ADH1B: variants seen among roughly 807,000 people sequenced by gnomAD.
ADH1B encodes all-trans-retinol dehydrogenase [NAD(+)] ADH1B.
ADH1B carries 29 observed loss-of-function variants against 34.6 expected under a neutral mutation model. That is an observed-to-expected ratio of 0.84 (90% confidence interval 0.62 to 1.14). The LOEUF (loss-of-function observed/expected upper bound fraction) is 1.14. ADH1B is among the 50% of genes most tolerant of loss of function. The pLI is 0.00. For missense variants in ADH1B, 424 were observed against 468.4 expected, an observed-to-expected ratio of 0.91 and a Z score of 0.87; for synonymous variants, 170 against 175.5, an observed-to-expected ratio of 0.97 and a Z score of 0.25.
At position 99,313,803 on chromosome 4, in the gene ADH1B, G is replaced by A. The variant is rs758475277; in HGVS notation, c.828+18C>T. The A allele has an allele frequency of 3.1e-5, 50 of 1,613,846 alleles. No individual in the cohort carries two copies. The South Asian group carries it at 5.1e-4, about 16-fold the overall frequency. On this transcript the variant is annotated intron_variant, in intron 6 of 8. Coordinates refer to ENST00000305046, the MANE Select transcript of ADH1B (RefSeq NM_000668.6). Reference sequence around the variant, plus strand: ...AGGTTGCAGAGGCAGAAATCTCAGGGCATGTCATGGTACATACCATGGTGT... The same window carrying A: ...AGGTTGCAGAGGCAGAAATCTCAGGACATGTCATGGTACATACCATGGTGT...
At chr4:99,319,950 A>G (rs1358737151) in intron 1 of ADH1B, 1 of 152,162 alleles carries the variant, frequency 6.6e-6, no homozygotes, top group Non-Finnish European at 1.5e-5. Flanking sequence ...TAATAGTAGG[A>G]AGATTCTTAT....
chr4:99,318,031 G>A lies in ADH1B; in HGVS notation c.259+15C>T, dbSNP rs745422949. ...ATGGTGAACCACACGTGTTCCCTGA[G>A]TGTGAATCCTGTACCTGGTTTGACT... is the stretch of plus-strand genomic sequence containing the variant. On this transcript the variant is annotated intron_variant, in intron 3 of 8. Coordinates refer to ENST00000305046, the MANE Select transcript of ADH1B (RefSeq NM_000668.6). 6.2e-7 allele frequency: 1 copy of A among 1,613,594 alleles called. No homozygotes were observed. The highest frequency in any genetic ancestry group is 1.7e-5 in the Admixed American group (1 of 59,926).
chr4:99,311,455 T>TTATATTGAGATTAATGAGA (rs1733751825), intron 7 of ADH1B, 66 bp downstream of exon 7: 3 of 1,532,954 alleles, frequency 2.0e-6, no homozygotes, highest in Non-Finnish European at 2.7e-6. Flanking sequence ...TATATTGAGA[T>TTATATTGAGATTAATGAGA]TATATTGAGA....
chr4:99,315,757 A>C, intron 5 of ADH1B, 141 bp downstream of exon 5: 258 of 814,648 alleles, frequency 3.2e-4, no homozygotes, highest in Non-Finnish European at 3.0e-4. Context: ...TGTGTACTCA[A>C]TTCTTTCTGG....
At position 99,311,525 on chromosome 4, in the gene ADH1B, A is replaced by G. The variant is rs1362515690; in HGVS notation, c.960T>C (p.Tyr320=). 4 of 1,613,808 alleles carry G rather than the reference A, an allele frequency of 2.5e-6. No homozygotes were observed. The South Asian group carries it at 4.4e-5, about 18-fold the overall frequency. ...CACTTGAGCCCAACTACATACCACC[A>G]TAAACAGCCCCCTTCCAGGTGCGTC... is the stretch of plus-strand genomic sequence containing the variant. ...LTGRTWKGAV[Y]GGFKSKEGIP... The change falls in exon 7 of 9, where the codon TAT becomes TAC. Residue 320 remains tyrosine, a synonymous_variant. Transcript: ENST00000305046.
chr4:99,313,950 G>A lies in ADH1B; in HGVS notation c.699C>T (p.Ala233=). 8 of 1,614,074 alleles carry A rather than the reference G, an allele frequency of 5.0e-6. No homozygotes were observed. The highest frequency in any genetic ancestry group is 2.2e-5 in the South Asian group (2 of 91,076). ...TGCATTCAGTGGCACCCAACTCTTT[G>A]GCCTTTGCAAATTTGTCCTTGTTGA... ...VDINKDKFAK[A]KELGATECIN... is the part of the protein sequence containing the mutation. Residue 233 remains alanine (A), a synonymous_variant, in exon 6 of 9, where the codon GCC becomes GCT. Transcript: ENST00000305046.
Position 99,306,215 on chromosome 4 carries a change from A to G in ADH1B, c.*1625T>C, listed in dbSNP as rs1733607310. 6.6e-6 allele frequency: 1 copy of G among 152,246 alleles called. No homozygotes were observed. The highest frequency in any genetic ancestry group is 2.1e-4 in the South Asian group (1 of 4,830). The allele number at this position is 152,246 out of a possible 1,614,324, so 9.4% of individuals were successfully genotyped here. A position where few individuals can be genotyped will look rare whatever the true frequency, so the allele number is the denominator to read the frequency against. The stretch of plus-strand genomic sequence containing the variant: ...GAGATGGGGTTTCACCATGTTGACC[A>G]GGCTGGTCTCAAACTCCTGACCTCA... On this transcript the variant is annotated 3_prime_UTR_variant, in exon 9 of 9. Transcript: ENST00000305046.
At chr4:99,316,560 C>T (rs1394821648) in intron 3 of ADH1B, 1 of 451,382 alleles carries the variant, frequency 2.2e-6, no homozygotes, top group Non-Finnish European at 4.0e-6. Context: ...TTCCACTGTA[C>T]TAATAGTTAA....
At chr4:99,317,991 G>T (rs900888995) in intron 3 of ADH1B, 55 bp downstream of exon 3, 13 of 1,602,024 alleles carry the variant, frequency 8.1e-6, no homozygotes, top group Admixed American at 1.7e-5. Flanking sequence ...CCTTATCCAG[G>T]CTGGGAAATC....
At chr4:99,315,115 A>G (rs1733846471) in intron 5 of ADH1B, 1 of 152,256 alleles carries the variant, frequency 6.6e-6, no homozygotes, top group Non-Finnish European at 1.5e-5. Flanking sequence ...AAGATTCAGC[A>G]GGAGATTTGA....
Position 99,315,956 on chromosome 4 carries a change from A to G in ADH1B, c.509T>C (p.Val170Ala). ...KIDAASPLEK[V>A]CLIGCGFSTG... ...CGAGAATCCACAGCCAATGAGGCAG[A>G]CTTTCTCCAGGGGCGAGGCTGCATC... Residue 170 changes from valine to alanine, a missense_variant, in exon 5 of 9, where the codon GTC becomes GCC. This residue lies in a region of ADH1B where 291 missense variants were observed against 300.4 expected (regional missense o/e 0.97). Coordinates refer to ENST00000305046, the MANE Select transcript of ADH1B (RefSeq NM_000668.6). 1 of 1,614,202 alleles carries G rather than the reference A, an allele frequency of 6.2e-7. No homozygotes were observed. The highest frequency in any genetic ancestry group is 1.1e-5 in the South Asian group (1 of 91,074).
At chr4:99,311,891 CT>C (rs1405016604) in intron 6 of ADH1B, among the ~76,000 whole-genome samples, 1 of 152,108 alleles carries the variant, frequency 6.6e-6, no homozygotes, top group Non-Finnish European at 1.5e-5. Context: ...GTGCTTAATT[CT>C]TCCTAATAAA....
At chr4:99,315,662 G>T in intron 5 of ADH1B, 1 of 588,402 alleles carries the variant, frequency 1.7e-6, no homozygotes. Context: ...CCCATAAACA[G>T]CAAATTCAGA....
Position 99,310,787 on chromosome 4 carries a change from C to T in ADH1B, c.1081G>A (p.Asp361Asn). 1 of 1,611,466 alleles carries T rather than the reference C, an allele frequency of 6.2e-7. No homozygotes were observed. Among genetic ancestry groups the T allele is most frequent in the Non-Finnish European group, 8.5e-7 (1 of 1,179,318 alleles). ...TACCTTTTCCCAGAGTGAAGCAGGT[C>T]AAATCCTTCATTTATTTTTTCAAAA... ...LPFEKINEGF[D>N]LLHSGKSIRT... The change falls in exon 8 of 9, where the codon GAC (aspartate) becomes AAC (asparagine). Residue 361 changes from aspartate to asparagine, a missense_variant. By Grantham distance (23) the Asp-to-Asn change is conservative. Around this residue, in one of 3 missense-constraint regions of ADH1B, gnomAD observed 130 missense variants for 151.8 expected, o/e 0.86. Transcript: ENST00000305046.
chr4:99,311,354 A>G (rs1414387735), intron 7 of ADH1B, among the ~76,000 whole-genome samples, 167 bp downstream of exon 7: 1 of 152,194 alleles, frequency 6.6e-6, no homozygotes, highest in Non-Finnish European at 1.5e-5. Context: ...TTCCATATCT[A>G]GTTGATTTGG....
chr4:99,308,590 A>C (rs1733673742), intron 8 of ADH1B, among the ~76,000 whole-genome samples: 1 of 152,030 alleles, frequency 6.6e-6, no homozygotes, highest in Admixed American at 6.6e-5. Flanking sequence ...GAACATTTAC[A>C]CTAGAACTAA....
At chr4:99,310,141 G>C (rs1461291729) in intron 8 of ADH1B, among the ~76,000 whole-genome samples, 1 of 152,034 alleles carries the variant, frequency 6.6e-6, no homozygotes, top group Non-Finnish European at 1.5e-5. Flanking sequence ...TTAGAGGTAG[G>C]AAATAGAATT....
chr4:99,311,488 A>G, intron 7 of ADH1B, 33 bp downstream of exon 7: 1 of 1,608,028 alleles, frequency 6.2e-7, no homozygotes, highest in Non-Finnish European at 8.5e-7. Flanking sequence ...ATTGAGATTA[A>G]TGAGAATTTG....
chr4:99,316,386 A>G, intron 3 of ADH1B, 84 bp from the exon 4 acceptor site: 1 of 1,340,860 alleles, frequency 7.5e-7, no homozygotes, highest in South Asian at 1.3e-5. Context: ...TGTATTGATT[A>G]GAAGCATGTT....
Sources: allele counts gnomAD v4.1 joint callset (sites outside exome capture counted in the v4.1 genomes callset), GRCh38; gene constraint gnomAD v4.1.1; regional missense constraint gnomAD v4.1.1; transcripts MANE v1.5; gene names NCBI Gene and HGNC (gene_info 2026-07-23, HGNC 2026-07-21).